ALOX12: variants seen among roughly 807,000 people sequenced by gnomAD.
The protein encoded by ALOX12 is polyunsaturated fatty acid lipoxygenase ALOX12.
A neutral mutation model predicts 85.5 loss-of-function variants in ALOX12; 62 were observed. The ratio of observed to expected loss-of-function variants is 0.73; its 90% confidence interval spans 0.59 to 0.90. The LOEUF is 0.90. Among genes scored for constraint, ALOX12 ranks in the 40% least tolerant of loss-of-function variants. The pLI, the probability that ALOX12 is intolerant of heterozygous loss-of-function variation, is 0.00. For missense variants in ALOX12, 751 were observed against 856.5 expected (o/e 0.88, Z 1.54); for synonymous variants, 299 against 332.7 (o/e 0.90, Z 1.10).
chr17:6,998,846 A>G lies in ALOX12; in HGVS notation c.542+9A>G. 6.2e-7 allele frequency: 1 copy of G among 1,614,176 alleles called. No homozygotes were observed. Among genetic ancestry groups the G allele is most frequent in the Non-Finnish European group, 8.5e-7 (1 of 1,180,024 alleles). ...TGGACACTGAAGGCAGGGTGAGAAA[A>G]AGGCTAGACCTCGGAGTGAAATAAG... On this transcript the variant is annotated intron_variant, in intron 4 of 13. Coordinates refer to ENST00000251535, the MANE Select transcript of ALOX12 (RefSeq NM_000697.3).
At position 7,000,509 on chromosome 17, in the gene ALOX12, T is replaced by C; in HGVS notation, c.951+30T>C. On this transcript the variant is annotated intron_variant, in intron 7 of 13. Coordinates refer to ENST00000251535, the MANE Select transcript of ALOX12 (RefSeq NM_000697.3). This position sits in a 1 kb window ranked among gnomAD's most constrained non-coding sequence, Gnocchi z 4.6. ...GGGCCCCAGACCTCTCCCACAACGTTGCACTCTGTTCACCTCAACCTCTGC... is the reference window on the plus strand; with the variant it reads ...GGGCCCCAGACCTCTCCCACAACGTCGCACTCTGTTCACCTCAACCTCTGC... 1.2e-6 allele frequency: 2 copies of C among 1,611,538 alleles called. No homozygotes were observed. Among genetic ancestry groups the C allele is most frequent in the Non-Finnish European group, 1.7e-6 (2 of 1,179,148 alleles).
At chr17:7,002,221 T>C in intron 8 of ALOX12, 2 of 330,980 alleles carry the variant, frequency 6.0e-6, no homozygotes, top group Non-Finnish European at 1.2e-5. Context: ...AGAATGTTTC[T>C]ACCCAATTGA....
chr17:7,006,424 AAG>A, intron 10 of ALOX12, 60 bp from the exon 11 acceptor site: 3 of 1,608,090 alleles, frequency 1.9e-6, no homozygotes, highest in Non-Finnish European at 2.5e-6. Context: ...ATGCCACAGA[AAG>A]AGGAATAGAG....
chr17:7,001,575 G>A (rs763437457), intron 7 of ALOX12, 27 bp from the exon 8 acceptor site: 6 of 1,573,192 alleles, frequency 3.8e-6, no homozygotes, highest in South Asian at 1.1e-5. Flanking sequence ...TACGGAATGG[G>A]AGTTCAATAA....
intron 2 of ALOX12, among the ~76,000 whole-genome samples, 196 bp from the exon 3 acceptor site, chr17:6,998,313 G>A (rs891766319): frequency 2.0e-5 from 3 of 152,222 alleles, no homozygotes; most frequent in African/African-American, 4.8e-5. Flanking sequence ...GCTGAAATAA[G>A]AGAAAGCAGG....
At position 7,000,024 on chromosome 17, in the gene ALOX12, A is replaced by G. The variant is rs745556900; in HGVS notation, c.808-312A>G. Among the ~76,000 whole-genome samples the G allele has an allele frequency of 2.6e-5, 4 of 152,180 alleles. No individual in the cohort carries two copies. The highest frequency in any genetic ancestry group is 6.5e-5 in the Admixed American group (1 of 15,280). ...AAACCAGAGCGCAGACCATTCGGGA[A>G]TGATCAGAAAGGGGCCTGGCCATTT... On this transcript the variant is annotated intron_variant, in intron 6 of 13. Coordinates refer to ENST00000251535, the MANE Select transcript of ALOX12 (RefSeq NM_000697.3). This position sits in a 1 kb window ranked among gnomAD's most constrained non-coding sequence, Gnocchi z 4.6.
chr17:7,009,354 C>T (rs1213784131), intron 11 of ALOX12: 4 of 194,888 alleles, frequency 2.1e-5, no homozygotes, highest in South Asian at 8.6e-5. Context: ...CCACCGCGCC[C>T]GGCCGCATCC....
intron 11 of ALOX12, among the ~76,000 whole-genome samples, chr17:7,009,269 C>A (rs1342744654): frequency 6.6e-6 from 1 of 151,606 alleles, no homozygotes; most frequent in Non-Finnish European, 1.5e-5. Context: ...CCGTGTTAGC[C>A]AGGATGGTCT....
chr17:7,005,945 G>T lies in ALOX12; in HGVS notation c.1336G>T (p.Asp446Tyr). The T allele has an allele frequency of 6.2e-7, 1 of 1,613,276 alleles. No homozygotes were observed. Among genetic ancestry groups the T allele is most frequent in the Non-Finnish European group, 8.5e-7 (1 of 1,179,780 alleles). The part of the protein sequence containing the change: ...LTYCSLCPPD[D>Y]LADRGLLGLP... ...CTACTGCTCCCTCTGTCCTCCTGACGACCTGGCTGACCGGGGCCTGCTGGG... is the reference window on the plus strand; with the variant it reads ...CTACTGCTCCCTCTGTCCTCCTGACTACCTGGCTGACCGGGGCCTGCTGGG... Residue 446 changes from aspartate to tyrosine, a missense_variant, in exon 10 of 14, where the codon GAC becomes TAC. Transcript: ENST00000251535.
rs1409706380 is a variant in ALOX12, at chr17:7,000,129, T to C, written c.808-207T>C. On this transcript the variant is annotated intron_variant, in intron 6 of 13. Coordinates refer to ENST00000251535, the MANE Select transcript of ALOX12 (RefSeq NM_000697.3). This position sits in a 1 kb window ranked among gnomAD's most constrained non-coding sequence, Gnocchi z 4.6. Reference sequence around the variant, plus strand: ...TTCCAAACCCAGATCTGCCACCACATCCACACACAAGACATCTACCCTCAC... The same window carrying C: ...TTCCAAACCCAGATCTGCCACCACACCCACACACAAGACATCTACCCTCAC... 6.6e-6 allele frequency among the ~76,000 whole-genome samples: 1 copy of C among 152,056 alleles called. No homozygotes were observed. The highest frequency in any genetic ancestry group is 6.6e-5 in the Admixed American group (1 of 15,260).
intron 1 of ALOX12, 88 bp downstream of exon 1, chr17:6,996,340 G>GGC: frequency 1.7e-6 from 2 of 1,203,524 alleles, no homozygotes; most frequent in South Asian, 4.2e-5. Context: ...GAGGGCGGGA[G>GGC]GCTGGGGGCG....
intron 2 of ALOX12, among the ~76,000 whole-genome samples, chr17:6,997,782 G>A (rs905808999): frequency 7.2e-5 from 11 of 151,812 alleles, no homozygotes; most frequent in Non-Finnish European, 2.9e-5. Context: ...GGATGGTCTC[G>A]ATCTCCTGAC....
chr17:7,001,847 ACC>A (rs1462609492), intron 8 of ALOX12, 36 bp downstream of exon 8: 3 of 1,576,512 alleles, frequency 1.9e-6, no homozygotes, highest in East Asian at 4.5e-5. Flanking sequence ...TATCCCTCAG[ACC>A]CCAGAGAGAG....
chr17:7,004,451 T>TA (rs1641279764), intron 8 of ALOX12, among the ~76,000 whole-genome samples: 1 of 145,994 alleles, frequency 6.8e-6, no homozygotes. Context: ...TTAATATTTT[T>TA]ATTTTAATAT....
Position 7,010,418 on chromosome 17 carries a change from A to T in ALOX12, c.1987A>T (p.Ile663Phe). The change falls in exon 14 of 14, where the codon ATC (isoleucine) becomes TTC (phenylalanine). Residue 663 changes from isoleucine to phenylalanine, a missense_variant. Physicochemically the swap from Ile to Phe is conservative, Grantham distance 21. Transcript: ENST00000251535. ...CAGCTGCATAGAGAACAGTGTCACCATCTGAGCCCTAGAGTGACTCTACCT... is the reference window on the plus strand; with the variant it reads ...CAGCTGCATAGAGAACAGTGTCACCTTCTGAGCCCTAGAGTGACTCTACCT... ...KPSCIENSVTI is the reference protein window; with the variant it reads ...KPSCIENSVTF 6.2e-7 allele frequency: 1 copy of T among 1,613,762 alleles called. No homozygotes were observed. Among genetic ancestry groups the T allele is most frequent in the Non-Finnish European group, 8.5e-7 (1 of 1,179,854 alleles).
At position 7,001,634 on chromosome 17, in the gene ALOX12, A is replaced by C; in HGVS notation, c.984A>C (p.Pro328=). 1 of 1,614,072 alleles carries C rather than the reference A, an allele frequency of 6.2e-7. No homozygotes were observed. Among genetic ancestry groups the C allele is most frequent in the South Asian group, 1.1e-5 (1 of 91,074 alleles). Residue 328 remains proline (P), a synonymous_variant, in exon 8 of 14, where the codon CCA becomes CCC. Coordinates refer to ENST00000251535, the MANE Select transcript of ALOX12 (RefSeq NM_000697.3). The part of the protein sequence containing the change: ...IQPPNPSSPT[P]TLFLPSDPPL... ...CTCCCAACCCCAGCTCTCCAACCCC[A>C]ACACTGTTCCTGCCCTCAGACCCCC...
At chr17:6,999,738 G>A (rs1908620650) in intron 6 of ALOX12, among the ~76,000 whole-genome samples, 1 of 152,188 alleles carries the variant, frequency 6.6e-6, no homozygotes, top group African/African-American at 2.4e-5. Flanking sequence ...GCAGTGTTCT[G>A]GACTCCAGTG....
chr17:7,001,549 T>C (rs1462964918), intron 7 of ALOX12, 53 bp from the exon 8 acceptor site: 7 of 1,496,382 alleles, frequency 4.7e-6, no homozygotes, highest in Non-Finnish European at 6.5e-6. Context: ...CCAAGAATGC[T>C]GACTATAATG....
intron 5 of ALOX12, 104 bp from the exon 6 acceptor site, chr17:6,999,202 A>C: frequency 1.3e-6 from 2 of 1,525,360 alleles, no homozygotes; most frequent in Non-Finnish European, 1.8e-6. Context: ...AAAACGCAGA[A>C]GCTGGGTTCA....
Sources: allele counts gnomAD v4.1 joint callset (sites outside exome capture counted in the v4.1 genomes callset), GRCh38; gene constraint gnomAD v4.1.1; non-coding constraint Gnocchi (gnomAD v3.1); transcripts MANE v1.5; gene names NCBI Gene and HGNC (gene_info 2026-07-23, HGNC 2026-07-21).